The following DNAH14 variants were observed in gnomAD, a reference collection of about 807,000 sequenced individuals.
DNAH14 encodes dynein axonemal heavy chain 14.
Under a neutral mutation model 520.9 loss-of-function variants are expected in DNAH14, and 478 were observed. The observed-to-expected ratio is 0.92, with a 90% CI of 0.85 to 0.99. The LOEUF is 0.99. Among genes scored for constraint, DNAH14 ranks in the 50% least tolerant of loss-of-function variants. The pLI is 0.00. For missense variants in DNAH14, 4,831 were observed against 5,234.5 expected (o/e 0.92, Z 2.38); for synonymous variants, 1,581 against 1,757.2 (o/e 0.90, Z 2.51).
chr1:225,303,450 C>A (rs555921971), intron 57 of DNAH14, 103 bp downstream of exon 57: 914 of 970,468 alleles, frequency 9.4e-4, no homozygotes, highest in Admixed American at 1.5e-3. Context: ...ATAGGCAGTT[C>A]TAAGCTAATT....
intron 1 of DNAH14, among the ~76,000 whole-genome samples, chr1:224,940,233 G>C (rs1475532757): frequency 6.6e-6 from 1 of 152,190 alleles, no homozygotes; most frequent in Non-Finnish European, 1.5e-5. Context: ...CTTTAAAAGG[G>C]AAAGTGAAAC....
At chr1:225,024,192 A>G (rs2065922947) in intron 11 of DNAH14, 2 of 986,586 alleles carry the variant, frequency 2.0e-6, no homozygotes, top group Non-Finnish European at 2.4e-6. Flanking sequence ...TTTATTTGTT[A>G]TATCTGGCAA....
chr1:224,935,685 T>G (rs961025560), intron 1 of DNAH14, among the ~76,000 whole-genome samples: 4 of 151,772 alleles, frequency 2.6e-5, no homozygotes, highest in East Asian at 3.9e-4. Flanking sequence ...AAAGAAACAT[T>G]AGATTAGAAC....
At chr1:225,123,975 A>T (rs2077489457) in intron 27 of DNAH14, among the ~76,000 whole-genome samples, 1 of 150,624 alleles carries the variant, frequency 6.6e-6, no homozygotes, top group African/African-American at 2.4e-5. Context: ...CTGGTCTTGA[A>T]CTCCTGACCT....
chr1:225,346,141 C>G lies in DNAH14; in HGVS notation c.10858C>G (p.Leu3620Val), dbSNP rs1033159743. 6.4e-7 allele frequency: 1 copy of G among 1,551,574 alleles called. No homozygotes were observed. Among genetic ancestry groups the G allele is most frequent in the Non-Finnish European group, 8.7e-7 (1 of 1,146,984 alleles). The change falls in exon 70 of 86, where the codon CTC (leucine) becomes GTC (valine). Residue 3620 changes from leucine to valine, a missense_variant. Leu to Val is a conservative substitution (Grantham distance 32). Transcript: ENST00000682510. ...GALLYFLVAD[L>V]TQINYMYQFS... ...CCTGCTCTACTTCCTAGTAGCTGAT[C>G]TCACACAAATCAACTACATGTACCA...
intron 60 of DNAH14, among the ~76,000 whole-genome samples, chr1:225,315,888 T>C (rs1474155099): frequency 1.3e-5 from 2 of 152,214 alleles, no homozygotes; most frequent in African/African-American, 2.4e-5. Flanking sequence ...TGTCTCCCCA[T>C]CAGGAGGCAT....
intron 1 of DNAH14, among the ~76,000 whole-genome samples, chr1:224,951,919 G>A (rs1176155759): frequency 3.9e-5 from 6 of 152,284 alleles, no homozygotes; most frequent in Admixed American, 2.0e-4. Flanking sequence ...GATTACAGGC[G>A]TGAGCCACGG....
intron 45 of DNAH14, among the ~76,000 whole-genome samples, chr1:225,258,451 A>G (rs2092817335): frequency 6.6e-6 from 1 of 152,176 alleles, no homozygotes; most frequent in East Asian, 1.9e-4. Flanking sequence ...ACATGTACAC[A>G]TTCAATGGGA....
intron 41 of DNAH14, among the ~76,000 whole-genome samples, chr1:225,221,271 C>A (rs1256269974): frequency 6.6e-6 from 1 of 152,044 alleles, no homozygotes; most frequent in Non-Finnish European, 1.5e-5. Flanking sequence ...ACTAAGACAC[C>A]AAAAGCAATG....
chr1:225,112,020 G>GT (rs1386987780), intron 23 of DNAH14, among the ~76,000 whole-genome samples: 3 of 151,680 alleles, frequency 2.0e-5, no homozygotes, highest in Non-Finnish European at 2.9e-5. Flanking sequence ...AGTTGTTCTA[G>GT]TTTTTTTTAT....
chr1:225,125,197 A>C (rs1426783396), intron 27 of DNAH14, among the ~76,000 whole-genome samples: 1 of 152,178 alleles, frequency 6.6e-6, no homozygotes, highest in East Asian at 1.9e-4. Context: ...TAGGATTTTC[A>C]AAACGGTAAG....
At chr1:225,378,029 A>G (rs1260017228) in intron 79 of DNAH14, among the ~76,000 whole-genome samples, 2 of 152,284 alleles carry the variant, frequency 1.3e-5, no homozygotes, top group South Asian at 2.1e-4. Flanking sequence ...ACCTAAAATC[A>G]TAAATCAGTT....
Position 225,367,810 on chromosome 1 carries a change from C to T in DNAH14, c.12096C>T (p.Ala4032=), listed in dbSNP as rs11578981. The T allele has an allele frequency of 0.51, 795,162 of 1,545,532 alleles. 213,426 individuals carry two copies. Among genetic ancestry groups the T allele is most frequent in the Middle Eastern group, 0.62 (3,721 of 5,984 alleles). The change falls in exon 77 of 86, where the codon GCC becomes GCT. Residue 4032 remains alanine, a synonymous_variant. Coordinates refer to ENST00000682510, the MANE Select transcript of DNAH14 (RefSeq NM_001367479.1). ...IPVLKKGLKI[A]VESPQGLKSN... is the part of the protein sequence containing the mutation. ...TACTCACATCTGTTTTCAAGATTGC[C>T]GTGGAATCTCCCCAGGGATTGAAAA...
At chr1:224,989,078 A>G (rs1024618456) in intron 8 of DNAH14, among the ~76,000 whole-genome samples, 1 of 152,186 alleles carries the variant, frequency 6.6e-6, no homozygotes, top group African/African-American at 2.4e-5. Flanking sequence ...CACAATGGTA[A>G]TTAAATTACA....
intron 11 of DNAH14, among the ~76,000 whole-genome samples, chr1:225,029,022 A>G (rs771411886): frequency 6.6e-6 from 1 of 152,112 alleles, no homozygotes; most frequent in Non-Finnish European, 1.5e-5. Flanking sequence ...GGCTTTATTC[A>G]TAATTGTTCA....
At chr1:224,950,845 T>C (rs2060121727) in intron 1 of DNAH14, among the ~76,000 whole-genome samples, 1 of 151,732 alleles carries the variant, frequency 6.6e-6, no homozygotes, top group South Asian at 2.1e-4. Context: ...AAAAGAACAC[T>C]ATTTTGCTCA....
At position 225,043,996 on chromosome 1, in the gene DNAH14, A is replaced by AGTG; in HGVS notation, c.1912+13_1912+14insGTG. 1 of 1,417,290 alleles carries AGTG rather than the reference A, an allele frequency of 7.1e-7. No homozygotes were observed. Among genetic ancestry groups the AGTG allele is most frequent in the South Asian group, 1.3e-5 (1 of 74,808 alleles). The allele number at this position is 1,417,290 out of a possible 1,614,324, so 87.8% of individuals were successfully genotyped here. ...GAAAAATGTATAAGTAAGTGTTTTT[A>AGTG]AAGCTTAGTGAAATGCATTGTCTTC... On this transcript the variant is annotated intron_variant, in intron 15 of 85. Coordinates refer to ENST00000682510, the MANE Select transcript of DNAH14 (RefSeq NM_001367479.1).
At chr1:225,324,376 C>T (rs1299313273) in intron 63 of DNAH14, 23 bp downstream of exon 63, 2 of 1,547,236 alleles carry the variant, frequency 1.3e-6, no homozygotes, top group Non-Finnish European at 8.7e-7. Flanking sequence ...TCCTAAACAT[C>T]TGTCATGATT....
intron 23 of DNAH14, among the ~76,000 whole-genome samples, chr1:225,109,985 T>G (rs2076364784): frequency 1.3e-5 from 2 of 152,228 alleles, no homozygotes; most frequent in African/African-American, 4.8e-5. Flanking sequence ...TGTTTCACAC[T>G]GATTTATTTG....
Sources: allele counts gnomAD v4.1 joint callset (sites outside exome capture counted in the v4.1 genomes callset), GRCh38; gene constraint gnomAD v4.1.1; transcripts MANE v1.5; gene names NCBI Gene and HGNC (gene_info 2026-07-23, HGNC 2026-07-21).